KDM3A: variants seen among roughly 807,000 people sequenced by gnomAD.
KDM3A encodes lysine demethylase 3A.
A neutral mutation model predicts 158.0 loss-of-function variants in KDM3A; 60 were observed. The observed-to-expected ratio is 0.38, with a 90% confidence interval of 0.31 to 0.47. The LOEUF is 0.47. Among genes scored for constraint, KDM3A ranks in the 20% least tolerant of loss-of-function variants. The pLI is 0.99. For missense variants in KDM3A, 1,319 were observed against 1,574.3 expected (o/e 0.84, Z 2.74); for synonymous variants, 608 against 549.3 (o/e 1.11, Z -1.49).
At chr2:86,451,687 T>A (rs1026885653) in intron 4 of KDM3A, among the ~76,000 whole-genome samples, 7 of 152,126 alleles carry the variant, frequency 4.6e-5, no homozygotes, top group African/African-American at 1.7e-4. Context: ...TGTATATTGA[T>A]GTTGACTGCT....
intron 2 of KDM3A, among the ~76,000 whole-genome samples, chr2:86,446,653 T>C (rs1682968589): frequency 6.6e-6 from 1 of 152,146 alleles, no homozygotes; most frequent in African/African-American, 2.4e-5. Flanking sequence ...GAGGATGCAG[T>C]GAGCTGAGAT....
intron 2 of KDM3A, among the ~76,000 whole-genome samples, chr2:86,444,599 C>T (rs1266244060): frequency 7.4e-6 from 1 of 134,572 alleles, no homozygotes; most frequent in Non-Finnish European, 1.5e-5. Context: ...AGGCAGGAAC[C>T]AAGTAACTAA....
chr2:86,475,928 A>G (rs1242002499), intron 12 of KDM3A, among the ~76,000 whole-genome samples: 2 of 152,242 alleles, frequency 1.3e-5, no homozygotes, highest in African/African-American at 4.8e-5. Flanking sequence ...ACTGTCTCAG[A>G]GTCCAAGGAA....
At chr2:86,485,971 A>G (rs1573209845) in intron 21 of KDM3A, 112 bp downstream of exon 21, 1 of 1,045,900 alleles carries the variant, frequency 9.6e-7, no homozygotes, top group African/African-American at 1.6e-5. Context: ...AATGCGTAAT[A>G]CAGCCACAGC....
Position 86,442,248 on chromosome 2 carries a change from G to A in KDM3A, c.186+15G>A, listed in dbSNP as rs1255410404. 1.3e-6 allele frequency: 2 copies of A among 1,589,970 alleles called. No individual in the cohort carries two copies. The highest frequency in any genetic ancestry group is 1.7e-6 in the Non-Finnish European group (2 of 1,163,516). On this transcript the variant is annotated intron_variant, in intron 2 of 25. Coordinates refer to ENST00000312912, the MANE Select transcript of KDM3A (RefSeq NM_018433.6). ...AGGATCTGAAGGTACAGGCGGCTCC[G>A]GGCCTCTGCCACCGGACGTTTCGCA...
intron 13 of KDM3A, 57 bp from the exon 14 acceptor site, chr2:86,478,113 G>A: frequency 1.9e-6 from 3 of 1,608,770 alleles, no homozygotes; most frequent in African/African-American, 1.3e-5. Context: ...CGGGTTTCTT[G>A]AAGCATGTGG....
At chr2:86,468,878 A>G (rs1343812378) in intron 10 of KDM3A, among the ~76,000 whole-genome samples, 2 of 152,192 alleles carry the variant, frequency 1.3e-5, no homozygotes, top group Non-Finnish European at 2.9e-5. Flanking sequence ...TCTCCTCAGT[A>G]AAGAGCTAGA....
At chr2:86,484,241 G>A (rs1429990166) in intron 19 of KDM3A, 83 bp downstream of exon 19, 2 of 1,174,352 alleles carry the variant, frequency 1.7e-6, no homozygotes, top group Middle Eastern at 2.6e-4. Context: ...ACCCATCAGT[G>A]GCAGCCGCAG....
intron 16 of KDM3A, among the ~76,000 whole-genome samples, chr2:86,480,782 G>GA (rs1285655755): frequency 1.3e-5 from 2 of 152,130 alleles, no homozygotes; most frequent in Non-Finnish European, 2.9e-5. Flanking sequence ...GACTGTTGTA[G>GA]AAAAAAATAA....
chr2:86,472,064 ATAAC>A (rs1341262956), intron 11 of KDM3A, among the ~76,000 whole-genome samples: 2 of 152,132 alleles, frequency 1.3e-5, no homozygotes, highest in Admixed American at 6.5e-5. Context: ...TATGAAAAAT[ATAAC>A]TAGATTGGAT....
chr2:86,461,009 C>T (rs1304504027), intron 8 of KDM3A, among the ~76,000 whole-genome samples: 1 of 152,114 alleles, frequency 6.6e-6, no homozygotes, highest in Non-Finnish European at 1.5e-5. Flanking sequence ...TTCTAACACA[C>T]GGTGACAGAA....
chr2:86,480,362 G>A lies in KDM3A; in HGVS notation c.2512G>A (p.Glu838Lys). 1.2e-6 allele frequency: 2 copies of A among 1,608,756 alleles called. No individual in the cohort carries two copies. The highest frequency in any genetic ancestry group is 1.1e-5 in the South Asian group (1 of 90,968). The part of the protein sequence containing the change: ...TSGNVNKENK[E>K]KQPTMPILKN... ...CGGGAATGTCAACAAGGAAAACAAG[G>A]GTGAGTGTTTCCTGCTTTTGTGTTT... The change falls in exon 16 of 26, where the codon GAA (glutamate) becomes AAA (lysine). Residue 838 changes from glutamate to lysine, a missense_variant and splice_region_variant. This residue lies in a region of KDM3A where 368 missense variants were observed against 415.8 expected (regional missense o/e 0.89). Coordinates refer to ENST00000312912, the MANE Select transcript of KDM3A (RefSeq NM_018433.6).
chr2:86,479,848 T>G, intron 15 of KDM3A: 1 of 252,018 alleles, frequency 4.0e-6, no homozygotes, highest in Non-Finnish European at 7.6e-6. Context: ...GATGAGTTCA[T>G]AGGGGAGACA....
rs544759282 is a variant in KDM3A at position 86,474,200 on chromosome 2, C to T, written c.1725-576C>T. Among the ~76,000 whole-genome samples the T allele has an allele frequency of 5.3e-5, 8 of 152,264 alleles. No individual in the cohort carries two copies. The East Asian group carries it at 1.4e-3, about 26-fold the overall frequency. ...CAGTATGATTATATTGGTTTGAGTG[C>T]AAAATATACCTCTCTCCCCTTCTCC... On this transcript the variant is annotated intron_variant, in intron 11 of 25. Coordinates refer to ENST00000312912, the MANE Select transcript of KDM3A (RefSeq NM_018433.6).
rs934227691 is a variant in KDM3A, at chr2:86,485,912, T to G, written c.3313+53T>G. 52 of 1,580,898 alleles carry G rather than the reference T, an allele frequency of 3.3e-5. No individual in the cohort carries two copies. In the African/African-American group the frequency reaches 5.9e-4, roughly 18 times the overall value. ...TGGAAATAAAACAATTCAAAATGTT[T>G]GGAAAATTGATTTTGTGGGAGGGAG... On this transcript the variant is annotated intron_variant, in intron 21 of 25. Transcript: ENST00000312912.
intron 11 of KDM3A, among the ~76,000 whole-genome samples, chr2:86,473,497 C>G (rs1182511000): frequency 1.3e-5 from 2 of 152,106 alleles, no homozygotes; most frequent in Non-Finnish European, 1.5e-5. Context: ...GTAATCGAAG[C>G]ACTTCAGGAG....
intron 16 of KDM3A, 73 bp downstream of exon 16, chr2:86,480,435 G>A: frequency 1.5e-6 from 2 of 1,302,494 alleles, no homozygotes; most frequent in Non-Finnish European, 2.1e-6. Flanking sequence ...AGAGAACAGT[G>A]GTTAGAAGTC....
intron 3 of KDM3A, 113 bp downstream of exon 3, chr2:86,450,075 T>C: frequency 8.7e-7 from 1 of 1,148,878 alleles, no homozygotes. Flanking sequence ...TCCCAGGATC[T>C]CCTGCCAGCC....
chr2:86,450,017 T>C (rs1672375767), intron 3 of KDM3A, 55 bp downstream of exon 3: 3 of 1,524,268 alleles, frequency 2.0e-6, no homozygotes, highest in South Asian at 1.3e-5. Flanking sequence ...TTATCCATTG[T>C]GGGTACAAAA....
Sources: gnomAD v4.1 joint callset for allele counts (sites outside exome capture counted in the v4.1 genomes callset) on GRCh38, gnomAD v4.1.1 for gene constraint, gnomAD v4.1.1 regional missense constraint, MANE v1.5 for transcripts, NCBI Gene and HGNC (gene_info 2026-07-23, HGNC 2026-07-21) for gene names.